Variants in SLC28A1 observed in about 807,000 individuals in gnomAD.
The protein encoded by SLC28A1 is sodium/nucleoside cotransporter 1.
Under a neutral mutation model 74.8 loss-of-function variants are expected in SLC28A1, and 64 were observed. The ratio of observed to expected loss-of-function variants is 0.86; its 90% confidence interval spans 0.70 to 1.05. The LOEUF (loss-of-function observed/expected upper bound fraction) is 1.05, where lower values mean the gene tolerates loss of function less well. Ranked by LOEUF, SLC28A1 falls within the 50% of genes least tolerant of loss-of-function variation. The pLI is 0.00. For synonymous variants in SLC28A1, 359 were observed against 335.0 expected, an observed-to-expected ratio of 1.07 and a Z score of -0.78; for missense variants, 828 against 822.8, an observed-to-expected ratio of 1.01 and a Z score of -0.08.
At chr15:84,956,464 T>C in the SLC28A1 span, among the ~76,000 whole-genome samples, 50 of 121,018 alleles carry the variant, frequency 4.1e-4, no homozygotes, top group African/African-American at 1.5e-3. Context: ...TCTTTCTTTC[T>C]TTCCTTCTTT....
chr15:84,944,849 G>T lies in SLC28A1; in HGVS notation c.1856G>T (p.Cys619Phe). The T allele has an allele frequency of 6.2e-7, 1 of 1,612,982 alleles. No homozygotes were observed. Among genetic ancestry groups the T allele is most frequent in the Non-Finnish European group, 8.5e-7 (1 of 1,179,032 alleles). The change falls in exon 18 of 19, where the codon TGC becomes TTC. Residue 619 changes from cysteine to phenylalanine, a missense_variant. This residue lies in a region of SLC28A1 where 53 missense variants were observed against 44.5 expected (regional missense o/e 1.19). Transcript: ENST00000394573. ...AGTAGCTTTGAGATTTACCAGTGCT[G>T]CCGTGAGGCCTTCCAGAGGTGAGGG... ...SSSSFEIYQC[C>F]REAFQSVNPE...
intron 16 of SLC28A1, 111 bp from the exon 17 acceptor site, chr15:84,944,455 C>G: frequency 1.3e-6 from 1 of 757,894 alleles, no homozygotes; most frequent in South Asian, 1.5e-5. Context: ...GTCCCTCTGG[C>G]CATCTATTAA....
At chr15:84,912,048 A>G (rs958562330) in intron 9 of SLC28A1, among the ~76,000 whole-genome samples, 2 of 152,184 alleles carry the variant, frequency 1.3e-5, no homozygotes, top group South Asian at 4.1e-4. Flanking sequence ...TCCTCTGGAC[A>G]AATTCCTGGA....
At chr15:84,956,666 CTTTTTT>C in the SLC28A1 span, among the ~76,000 whole-genome samples, 2 of 134,328 alleles carry the variant, frequency 1.5e-5, no homozygotes, top group Non-Finnish European at 1.6e-5. Flanking sequence ...CTAATTTTTA[CTTTTTT>C]TTTTTTTTTT....
At chr15:84,949,598 G>A (rs369916767), downstream of SLC28A1, among the ~76,000 whole-genome samples, 531 of 149,036 alleles carry the variant, frequency 3.6e-3, 5 homozygotes, top group Middle Eastern at 0.014. Flanking sequence ...TAGAGATGGC[G>A]GGGACTCTCT....
intron 9 of SLC28A1, among the ~76,000 whole-genome samples, chr15:84,914,910 G>T (rs759979299): frequency 6.6e-6 from 1 of 152,070 alleles, no homozygotes; most frequent in African/African-American, 2.4e-5. Flanking sequence ...CCAAAACATA[G>T]CTTCTCTTCT....
chr15:84,946,108 A>ATTTTTT (rs1567196454), downstream of SLC28A1, among the ~76,000 whole-genome samples: 10 of 11,124 alleles, frequency 9.0e-4, no homozygotes, highest in African/African-American at 2.5e-3. Flanking sequence ...ATATATATAT[A>ATTTTTT]TATATTTTTT....
chr15:84,910,370 T>TAG (rs1967968757), intron 9 of SLC28A1, among the ~76,000 whole-genome samples: 1 of 152,248 alleles, frequency 6.6e-6, no homozygotes, highest in Admixed American at 6.5e-5. Flanking sequence ...AAGTAAGGTC[T>TAG]GCTTCAGGGT....
intron 10 of SLC28A1, among the ~76,000 whole-genome samples, chr15:84,920,209 G>A (rs1969636288): frequency 6.6e-6 from 1 of 152,230 alleles, no homozygotes; most frequent in South Asian, 2.1e-4. Context: ...ACTTTGGGAG[G>A]CCAAGGCAGA....
downstream of SLC28A1, among the ~76,000 whole-genome samples, chr15:84,946,371 C>G (rs1408297290): frequency 2.6e-5 from 4 of 151,864 alleles, no homozygotes; most frequent in Non-Finnish European, 5.9e-5. Flanking sequence ...TTAGCAAATG[C>G]TTATGTGGCA....
the SLC28A1 span, among the ~76,000 whole-genome samples, chr15:84,975,061 G>A: frequency 1.8e-4 from 27 of 152,306 alleles, no homozygotes; most frequent in East Asian, 4.4e-3. Flanking sequence ...GTGTTAAGTA[G>A]ATAGAGGAAG....
At chr15:84,959,279 A>G in the SLC28A1 span, among the ~76,000 whole-genome samples, 439 of 151,294 alleles carry the variant, frequency 2.9e-3, 2 homozygotes, top group East Asian at 0.033. Flanking sequence ...TAATTTTTGT[A>G]TTTTTTATAG....
rs149826701 is a variant in SLC28A1 at position 84,921,154 on chromosome 15, C to T, written c.957+85C>T. 1,448 of 1,039,528 alleles carry T rather than the reference C, an allele frequency of 1.4e-3. 15 individuals carry two copies. In the East Asian group the frequency reaches 0.017, roughly 12 times the overall value. The allele number at this position is 1,039,528 out of a possible 1,614,324, so 64.4% of individuals were successfully genotyped here. A position where few individuals can be genotyped will look rare whatever the true frequency, so the allele number is the denominator to read the frequency against. ...TCCCTGGATCCCCAGAGCTCTGATT[C>T]AGTCCAAGGAAGAGCCATTTGAACC... On this transcript the variant is annotated intron_variant, in intron 11 of 18. Coordinates refer to ENST00000394573, the MANE Select transcript of SLC28A1 (RefSeq NM_004213.5).
the SLC28A1 span, among the ~76,000 whole-genome samples, chr15:84,970,776 T>A: frequency 6.6e-6 from 1 of 152,018 alleles, no homozygotes; most frequent in Non-Finnish European, 1.5e-5. Context: ...GGCAGGAGGA[T>A]TGCTTGAACC....
intron 6 of SLC28A1, among the ~76,000 whole-genome samples, chr15:84,902,405 C>T (rs973812190): frequency 6.6e-6 from 1 of 151,266 alleles, no homozygotes; most frequent in Admixed American, 6.6e-5. Flanking sequence ...GCTTAAACCC[C>T]GGAGGTGGAG....
At chr15:84,904,531 C>G (rs1343696051) in intron 7 of SLC28A1, among the ~76,000 whole-genome samples, 4 of 152,182 alleles carry the variant, frequency 2.6e-5, no homozygotes, top group Admixed American at 2.6e-4. Context: ...GCTCAGGAAC[C>G]ACCTCCACCC....
chr15:84,912,814 A>G (rs200759420), intron 9 of SLC28A1, among the ~76,000 whole-genome samples: 30,228 of 126,112 alleles, frequency 0.24, 3,468 homozygotes, highest in South Asian at 0.49. Context: ...GCGCACACAC[A>G]CACACACACA....
At chr15:84,956,282 C>G in the SLC28A1 span, among the ~76,000 whole-genome samples, 1 of 152,128 alleles carries the variant, frequency 6.6e-6, no homozygotes, top group Non-Finnish European at 1.5e-5. Context: ...TAATATACAA[C>G]TTTCAGAAAA....
chr15:84,939,357 G>T (rs1224181510), intron 15 of SLC28A1, among the ~76,000 whole-genome samples: 1 of 151,830 alleles, frequency 6.6e-6, no homozygotes, highest in Non-Finnish European at 1.5e-5. Context: ...AGAAAGGAAA[G>T]AAGGAAGGGA....
Sources: gnomAD v4.1 joint callset for allele counts (sites outside exome capture counted in the v4.1 genomes callset) on GRCh38, gnomAD v4.1.1 for gene constraint, gnomAD v4.1.1 regional missense constraint, MANE v1.5 for transcripts, NCBI Gene and HGNC (gene_info 2026-07-23, HGNC 2026-07-21) for gene names.